The following RALA variants were observed in gnomAD, a reference collection of about 807,000 sequenced individuals.
The protein encoded by RALA is RAS like proto-oncogene A, also known as ras-related protein Ral-A.
In RALA, 5 loss-of-function variants were observed where a neutral mutation model predicts 24.0. The ratio of observed to expected loss-of-function variants is 0.21; its 90% CI spans 0.11 to 0.44. RALA has a LOEUF of 0.44. RALA is among the 20% of genes least tolerant of loss of function. RALA has a pLI of 0.99. For synonymous variants in RALA, 77 were observed against 83.8 expected (o/e 0.92, Z 0.44); for missense variants, 95 against 241.2 (o/e 0.39, Z 4.01).
At chr7:39,702,710 G>A (rs775498539) in intron 4 of RALA, among the ~76,000 whole-genome samples, 7 of 152,188 alleles carry the variant, frequency 4.6e-5, no homozygotes, top group Non-Finnish European at 1.0e-4. Context: ...GTCATTCATG[G>A]CAATATGGAT....
At chr7:39,688,809 C>T (rs888348769) in intron 2 of RALA, among the ~76,000 whole-genome samples, 1 of 152,092 alleles carries the variant, frequency 6.6e-6, no homozygotes, top group Admixed American at 6.6e-5. Flanking sequence ...AAGTACCTGA[C>T]ACTGGGGTAA....
chr7:39,668,295 C>T (rs1489325912), intron 1 of RALA, among the ~76,000 whole-genome samples: 1 of 152,156 alleles, frequency 6.6e-6, no homozygotes, highest in African/African-American at 2.4e-5. Flanking sequence ...CATGATAAAC[C>T]TTAAACAGTC....
chr7:39,624,329 A>G (rs1174111330), intron 1 of RALA: 1 of 124,120 alleles, frequency 8.1e-6, no homozygotes, highest in Admixed American at 8.3e-5. Context: ...TTTTTTTGCC[A>G]GTTAAAGGAA....
chr7:39,699,858 C>T (rs79044914), intron 4 of RALA, among the ~76,000 whole-genome samples: 2,118 of 152,254 alleles, frequency 0.014, 15 homozygotes, highest in Non-Finnish European at 0.021. Context: ...ACACTTGGCC[C>T]TCAAACAACA....
In RALA at chr7:39,690,699, C is replaced by G. The variant is rs113189488; in HGVS notation, c.323+109C>G. 68 of 837,942 alleles carry G rather than the reference C, an allele frequency of 8.1e-5. No homozygotes were observed. In the African/African-American group the frequency reaches 1.0e-3, roughly 13 times the overall value. 51.9% of individuals were successfully genotyped at this position (837,942 alleles called of 1,614,324 possible). A position where few individuals can be genotyped will look rare whatever the true frequency, so the allele number is the denominator to read the frequency against. ...AACTTGTTAGTCTTTTACTCTGTCT[C>G]TAATTGTGTTTATTCCCTTTTTGAT... On this transcript the variant is annotated intron_variant, in intron 3 of 4. Coordinates refer to ENST00000005257, the MANE Select transcript of RALA (RefSeq NM_005402.4).
At chr7:39,670,852 C>A (rs1406079315) in intron 1 of RALA, among the ~76,000 whole-genome samples, 1 of 152,094 alleles carries the variant, frequency 6.6e-6, no homozygotes, top group Non-Finnish European at 1.5e-5. Flanking sequence ...TCAGATTTTT[C>A]TTATTAAATA....
intron 4 of RALA, 21 bp downstream of exon 4, chr7:39,696,880 A>G (rs1244127198): frequency 1.6e-5 from 26 of 1,591,254 alleles, no homozygotes; most frequent in Non-Finnish European, 2.2e-5. Flanking sequence ...ACTCTTTACT[A>G]CTGCATCATG....
At position 39,632,881 on chromosome 7, in the gene RALA, A is replaced by G. The variant is rs1050294045; in HGVS notation, c.-38+9056A>G. 1.6e-4 allele frequency among the ~76,000 whole-genome samples: 25 copies of G among 152,204 alleles called. 1 individual carries two copies. Among genetic ancestry groups the G allele is most frequent in the African/African-American group, 6.0e-4 (25 of 41,466 alleles). On this transcript the variant is annotated intron_variant, in intron 1 of 4. Coordinates refer to ENST00000005257, the MANE Select transcript of RALA (RefSeq NM_005402.4). ...AGATGGATGTGGTAAGAAGCAGGAA[A>G]GGTCAACTTTCCTAGTGCATGGTAG...
At chr7:39,656,942 G>A (rs953337030) in intron 1 of RALA, among the ~76,000 whole-genome samples, 1 of 151,898 alleles carries the variant, frequency 6.6e-6, no homozygotes, top group Non-Finnish European at 1.5e-5. Flanking sequence ...TTCCAGTTTT[G>A]TTTGTTTGTT....
At chr7:39,676,557 T>G (rs1005925404) in intron 1 of RALA, among the ~76,000 whole-genome samples, 1 of 152,216 alleles carries the variant, frequency 6.6e-6, no homozygotes. Context: ...GAGGGTCATA[T>G]CATCACTAAA....
At chr7:39,643,991 G>A (rs1448194587) in intron 1 of RALA, among the ~76,000 whole-genome samples, 3 of 152,140 alleles carry the variant, frequency 2.0e-5, no homozygotes, top group Non-Finnish European at 2.9e-5. Flanking sequence ...TCTGAGAGCA[G>A]GTTAATACAT....
chr7:39,684,022 T>G (rs1288330781), intron 1 of RALA, among the ~76,000 whole-genome samples: 1 of 152,202 alleles, frequency 6.6e-6, no homozygotes, highest in Non-Finnish European at 1.5e-5. Context: ...CCTGATGTAT[T>G]TAGGAACACC....
intron 1 of RALA, among the ~76,000 whole-genome samples, chr7:39,637,419 G>A (rs1319368366): frequency 2.0e-5 from 3 of 152,278 alleles, no homozygotes; most frequent in Middle Eastern, 6.8e-3. Flanking sequence ...GAACACACCT[G>A]TAACTTAAAG....
intron 1 of RALA, among the ~76,000 whole-genome samples, chr7:39,679,859 C>T (rs1409632755): frequency 1.3e-5 from 2 of 151,890 alleles, no homozygotes; most frequent in Non-Finnish European, 1.5e-5. Context: ...TACAGCCGTG[C>T]GCCACCATGC....
intron 1 of RALA, among the ~76,000 whole-genome samples, chr7:39,658,757 A>C (rs1792136687): frequency 6.6e-6 from 1 of 151,276 alleles, no homozygotes; most frequent in African/African-American, 2.4e-5. Flanking sequence ...TTTTATTTTA[A>C]TTTTTTTTAG....
chr7:39,669,416 A>G (rs1792342285), intron 1 of RALA, among the ~76,000 whole-genome samples: 1 of 152,220 alleles, frequency 6.6e-6, no homozygotes, highest in Admixed American at 6.5e-5. Flanking sequence ...AAGCAGCTAT[A>G]CAAAGAGAGC....
chr7:39,696,710 G>A lies in RALA; in HGVS notation c.349G>A (p.Asp117Asn), dbSNP rs746261267. 6.2e-7 allele frequency: 1 copy of A among 1,606,356 alleles called. No homozygotes were observed. The highest frequency in any genetic ancestry group is 8.5e-7 in the Non-Finnish European group (1 of 1,175,576). ...FREQILRVKE[D>N]ENVPFLLVGN... ...GGAGCAGATTTTAAGAGTAAAAGAA[G>A]ATGAGAATGTTCCATTTCTACTGGT... The change falls in exon 4 of 5, where the codon GAT (aspartate) becomes AAT (asparagine). Residue 117 changes from aspartate (D) to asparagine (N), a missense_variant. Asp to Asn is a conservative substitution (Grantham distance 23). Coordinates refer to ENST00000005257, the MANE Select transcript of RALA (RefSeq NM_005402.4).
At chr7:39,676,121 G>A (rs984577414) in intron 1 of RALA, among the ~76,000 whole-genome samples, 28 of 151,996 alleles carry the variant, frequency 1.8e-4, no homozygotes, top group African/African-American at 5.8e-4. Context: ...GACTACAGGC[G>A]CCCACCACCA....
Position 39,706,215 on chromosome 7 carries a change from G to A in RALA, c.591G>A (p.Lys197=). The change falls in exon 5 of 5, where the codon AAG becomes AAA. Residue 197 remains lysine, a synonymous_variant. Transcript: ENST00000005257. ...AAAAGAAGAGGAAAAGTTTAGCCAA[G>A]AGAATCAGAGAAAGATGCTGCATTT... ...NGKKKRKSLA[K]RIRERCCIL is the part of the protein sequence containing the mutation. 1 of 1,609,290 alleles carries A rather than the reference G, an allele frequency of 6.2e-7. No individual in the cohort carries two copies.
Sources: allele counts gnomAD v4.1 joint callset (sites outside exome capture counted in the v4.1 genomes callset), GRCh38; gene constraint gnomAD v4.1.1; transcripts MANE v1.5; gene names NCBI Gene and HGNC (gene_info 2026-07-23, HGNC 2026-07-21).